ELMO1: variants seen among roughly 807,000 people sequenced by gnomAD.
ELMO1 encodes engulfment and cell motility protein 1.
A neutral mutation model predicts 98.9 loss-of-function variants in ELMO1; 26 were observed. The ratio of observed to expected loss-of-function variants is 0.26; its 90% CI spans 0.19 to 0.36. The LOEUF is 0.36. ELMO1 is among the 10% of genes least tolerant of loss of function. The pLI is 1.00. For missense variants in ELMO1, 627 were observed against 935.2 expected (o/e 0.67, Z 4.30); for synonymous variants, 346 against 346.0 (o/e 1.00, Z 0.00).
chr7:37,122,699 C>A (rs1786155953), intron 14 of ELMO1, among the ~76,000 whole-genome samples: 1 of 152,068 alleles, frequency 6.6e-6, no homozygotes, highest in African/African-American at 2.4e-5. Flanking sequence ...GACTTTAACA[C>A]CCCACTGTCA....
At chr7:36,999,206 C>T (rs936383958) in intron 16 of ELMO1, among the ~76,000 whole-genome samples, 2 of 152,160 alleles carry the variant, frequency 1.3e-5, no homozygotes, top group Non-Finnish European at 2.9e-5. Flanking sequence ...CATGCCTCTC[C>T]ATGCCTCATC....
intron 16 of ELMO1, among the ~76,000 whole-genome samples, chr7:36,921,625 A>G (rs1454877479): frequency 1.3e-5 from 2 of 152,222 alleles, no homozygotes; most frequent in Non-Finnish European, 2.9e-5. Flanking sequence ...AGAGTCAAGT[A>G]AAATTGTGGT....
In ELMO1 at chr7:37,253,635, G is replaced by A. The variant is rs1795475925; in HGVS notation, c.413+5546C>T. The stretch of plus-strand genomic sequence containing the variant: ...GAGAAATACCTAATGCAGATGACGG[G>A]TTTTGGGTTCAGCAAACCACCATGG... On this transcript the variant is annotated intron_variant, in intron 6 of 21. Transcript: ENST00000310758. Among the ~76,000 whole-genome samples, 5 of 151,056 alleles carry A rather than the reference G, an allele frequency of 3.3e-5. 1 individual carries two copies. In the Admixed American group the frequency reaches 3.3e-4, roughly 10 times the overall value.
At chr7:37,158,478 CA>C in intron 13 of ELMO1, among the ~76,000 whole-genome samples, 1 of 152,200 alleles carries the variant, frequency 6.6e-6, no homozygotes, top group East Asian at 1.9e-4. Context: ...ACAACCCCAT[CA>C]AAAAATGGGC....
At chr7:37,264,983 A>G (rs774492286) in intron 5 of ELMO1, among the ~76,000 whole-genome samples, 2 of 152,194 alleles carry the variant, frequency 1.3e-5, no homozygotes, top group Non-Finnish European at 2.9e-5. Flanking sequence ...TTGCCCAGCA[A>G]TCCAATATTT....
rs1805133624 is a variant in ELMO1 at position 37,436,151 on chromosome 7, TA to T, written c.-74+12523del. On this transcript the variant is annotated intron_variant, in intron 1 of 21. Coordinates refer to ENST00000310758, the MANE Select transcript of ELMO1 (RefSeq NM_014800.11). Reference sequence around the variant, plus strand: ...GCTGCTAGATATTTTGGTAAGAACATAACTCTCCAGTGAGTTACTGTAGATC... The same window carrying T: ...GCTGCTAGATATTTTGGTAAGAACATACTCTCCAGTGAGTTACTGTAGATC... Among the ~76,000 whole-genome samples, 5 of 152,354 alleles carry T rather than the reference TA, an allele frequency of 3.3e-5. No individual in the cohort carries two copies. In the South Asian group the frequency reaches 1.0e-3, roughly 32 times the overall value.
At chr7:37,147,948 C>A (rs146733490) in intron 13 of ELMO1, among the ~76,000 whole-genome samples, 2 of 151,974 alleles carry the variant, frequency 1.3e-5, no homozygotes, top group African/African-American at 4.8e-5. Flanking sequence ...GGACTAACAA[C>A]GTCTTCAGGC....
At chr7:37,162,580 T>G (rs1789299168) in intron 13 of ELMO1, among the ~76,000 whole-genome samples, 2 of 152,130 alleles carry the variant, frequency 1.3e-5, no homozygotes, top group African/African-American at 4.8e-5. Flanking sequence ...TAATGACAAG[T>G]AGTAACTATT....
chr7:37,367,239 A>G (rs930092058), intron 1 of ELMO1, among the ~76,000 whole-genome samples: 2 of 152,186 alleles, frequency 1.3e-5, no homozygotes, highest in Non-Finnish European at 2.9e-5. Context: ...ACCTAATGCC[A>G]GTAAAATTGG....
intron 13 of ELMO1, among the ~76,000 whole-genome samples, chr7:37,156,549 A>C (rs1227504368): frequency 6.6e-6 from 1 of 152,184 alleles, no homozygotes; most frequent in African/African-American, 2.4e-5. Flanking sequence ...ACACCTCTAC[A>C]CAAATAAACT....
intron 2 of ELMO1, among the ~76,000 whole-genome samples, chr7:37,317,873 C>T (rs1224149724): frequency 1.3e-5 from 2 of 152,112 alleles, no homozygotes; most frequent in African/African-American, 2.4e-5. Context: ...GGGATAGATA[C>T]ATCATTTTCC....
At chr7:37,067,301 A>G (rs745389603) in intron 15 of ELMO1, among the ~76,000 whole-genome samples, 1 of 152,188 alleles carries the variant, frequency 6.6e-6, no homozygotes, top group East Asian at 1.9e-4. Flanking sequence ...AGAAATCAAC[A>G]TGGAAAAAAG....
chr7:37,070,011 G>A (rs185686500), intron 15 of ELMO1, among the ~76,000 whole-genome samples: 420 of 152,246 alleles, frequency 2.8e-3, no homozygotes, highest in Middle Eastern at 6.8e-3. Flanking sequence ...AGGGTGACGA[G>A]GGGAGAAAAC....
At chr7:37,439,733 T>C (rs945466074) in intron 1 of ELMO1, among the ~76,000 whole-genome samples, 1 of 152,238 alleles carries the variant, frequency 6.6e-6, no homozygotes, top group Admixed American at 6.5e-5. Context: ...AGCAAATGTT[T>C]CTCAAAAACC....
At chr7:37,196,901 T>G (rs1044551826) in intron 13 of ELMO1, among the ~76,000 whole-genome samples, 2 of 151,886 alleles carry the variant, frequency 1.3e-5, no homozygotes, top group Admixed American at 1.3e-4. Flanking sequence ...TCCCAAAGAG[T>G]CCCCTAGACA....
rs10262312 is a variant in ELMO1, at chr7:37,164,176, C to T, written c.1087-30942G>A. 2.6e-5 allele frequency among the ~76,000 whole-genome samples: 4 copies of T among 151,960 alleles called. No homozygotes were observed. The East Asian group carries it at 7.7e-4, about 29-fold the overall frequency. On this transcript the variant is annotated intron_variant, in intron 13 of 21. Transcript: ENST00000310758. ...TGTTCATATCCTTTGCCCACTTTTTCATGGGGTTGTTTGTTATTTCTTGTA... is the reference window on the plus strand; with the variant it reads ...TGTTCATATCCTTTGCCCACTTTTTTATGGGGTTGTTTGTTATTTCTTGTA...
chr7:37,179,160 A>AG (rs1246312282), intron 13 of ELMO1, among the ~76,000 whole-genome samples: 8 of 152,212 alleles, frequency 5.3e-5, no homozygotes, highest in African/African-American at 1.9e-4. Context: ...CCAAATAGAT[A>AG]GCTTAAGAAA....
chr7:37,195,389 G>A (rs565177694), intron 13 of ELMO1, among the ~76,000 whole-genome samples: 2 of 152,336 alleles, frequency 1.3e-5, no homozygotes, highest in Middle Eastern at 6.8e-3. Flanking sequence ...CTTATTTTTA[G>A]TCTAGATTAA....
chr7:37,354,617 T>G (rs915611135), intron 1 of ELMO1, among the ~76,000 whole-genome samples: 4 of 151,732 alleles, frequency 2.6e-5, no homozygotes, highest in East Asian at 1.9e-4. Context: ...CTTCCTCCCT[T>G]GTTCTGGTTT....
Sources: allele counts gnomAD v4.1 joint callset (sites outside exome capture counted in the v4.1 genomes callset), GRCh38; gene constraint gnomAD v4.1.1; transcripts MANE v1.5; gene names NCBI Gene and HGNC (gene_info 2026-07-23, HGNC 2026-07-21).